Variants in CR1 observed in about 807,000 individuals in gnomAD.
CR1 encodes the protein complement C3b/C4b receptor 1 (Knops blood group).
Under a neutral mutation model 187.3 loss-of-function variants are expected in CR1, and 116 were observed. That is an observed-to-expected ratio of 0.62 (90% confidence interval 0.53 to 0.72). The LOEUF is 0.72. CR1 is among the 30% of genes least tolerant of loss of function. The probability of loss-of-function intolerance (pLI) is 0.00; values close to 1 mark genes in which losing one functional copy is unlikely to be tolerated. For synonymous variants in CR1, 576 were observed against 747.1 expected (o/e 0.77, Z 3.73); for missense variants, 1,731 against 2,110.7 (o/e 0.82, Z 3.52).
intron 35 of CR1, among the ~76,000 whole-genome samples, chr1:207,596,550 G>A (rs924434312): frequency 1.8e-4 from 27 of 151,972 alleles, no homozygotes; most frequent in African/African-American, 6.0e-4. Context: ...GGAGGCGGAG[G>A]TTGCAGTGAG....
intron 28 of CR1, 44 bp downstream of exon 28, chr1:207,575,724 T>A: frequency 6.2e-7 from 1 of 1,611,160 alleles, no homozygotes; most frequent in South Asian, 1.1e-5. Context: ...CATTGAATCC[T>A]AGAGTTGTCC....
intron 46 of CR1, among the ~76,000 whole-genome samples, chr1:207,636,876 T>G (rs112807468): frequency 1.5e-3 from 225 of 152,330 alleles, no homozygotes; most frequent in African/African-American, 5.1e-3. Flanking sequence ...AATTAAAAGT[T>G]GAATAAATGC....
intron 35 of CR1, chr1:207,598,918 G>T (rs1558258052): frequency 6.6e-6 from 1 of 152,208 alleles, no homozygotes; most frequent in Admixed American, 6.5e-5. Flanking sequence ...GAGTTGGCCA[G>T]CATTAACTTG....
chr1:207,524,432 G>A (rs1184619914), intron 5 of CR1, among the ~76,000 whole-genome samples: 1 of 151,984 alleles, frequency 6.6e-6, no homozygotes, highest in African/African-American at 2.4e-5. Context: ...CACTCACGTT[G>A]AACTGCTGTG....
chr1:207,619,207 AC>A, intron 42 of CR1, among the ~76,000 whole-genome samples: 1 of 151,554 alleles, frequency 6.6e-6, no homozygotes, highest in Non-Finnish European at 1.5e-5. Flanking sequence ...ACATGGTGAA[AC>A]CCCGTCTCTA....
intron 35 of CR1, among the ~76,000 whole-genome samples, chr1:207,606,272 C>T (rs1661746967): frequency 1.3e-5 from 2 of 152,192 alleles, no homozygotes; most frequent in Admixed American, 6.5e-5. Context: ...CCACTTACAT[C>T]CTCTGGCCAG....
rs55998388 is a variant in CR1, at chr1:207,620,066, G to A, written c.7252+1G>A. The A allele has an allele frequency of 6.4e-4, 1,034 of 1,606,746 alleles. No individual in the cohort carries two copies. Among genetic ancestry groups the A allele is most frequent in the Non-Finnish European group, 8.5e-4 (1,000 of 1,177,968 alleles). On this transcript the variant is annotated splice_donor_variant, in intron 43 of 46. Coordinates refer to ENST00000367049, the MANE Select transcript of CR1 (RefSeq NM_000651.6). LOFTEE classifies it high-confidence loss of function. The stretch of plus-strand genomic sequence containing the variant: ...CCTCCTCTGGCCAAATGTACCTCTC[G>A]TAAGTGCAAGTGCAAGGAATGTGGG...
chr1:207,524,155 G>C (rs868045171), intron 5 of CR1, 146 bp downstream of exon 5: 39 of 1,540,702 alleles, frequency 2.5e-5, no homozygotes, highest in Middle Eastern at 4.7e-4. Context: ...AAATTCAGAA[G>C]GTGTGTGTAC....
At chr1:207,503,891 A>G (rs1186818455) in intron 1 of CR1, among the ~76,000 whole-genome samples, 1 of 152,242 alleles carries the variant, frequency 6.6e-6, no homozygotes, top group African/African-American at 2.4e-5. Context: ...TTAAGTGAAA[A>G]GGTGAAAGTT....
In CR1 at chr1:207,585,312, G is replaced by A. The variant is rs528222325; in HGVS notation, c.5530+436G>A. Among the ~76,000 whole-genome samples the A allele has an allele frequency of 4.3e-4, 66 of 152,272 alleles. No homozygotes were observed. In the South Asian group the frequency reaches 5.8e-3, roughly 13 times the overall value. ...GAAATGTGGATATTATTTAGCTAAG[G>A]TTTTAAACTAGTGTTCTGCTGCATG... On this transcript the variant is annotated intron_variant, in intron 33 of 46. Transcript: ENST00000367049.
chr1:207,505,624 T>A (rs956598465), intron 1 of CR1, among the ~76,000 whole-genome samples: 3 of 151,926 alleles, frequency 2.0e-5, no homozygotes, highest in African/African-American at 7.3e-5. Flanking sequence ...TGACCTGAGG[T>A]CAGGAGTCGA....
rs751999210 is a variant in CR1 at position 207,620,011 on chromosome 1, A to G, written c.7198A>G (p.Ser2400Gly). 46 of 1,613,760 alleles carry G rather than the reference A, an allele frequency of 2.9e-5. No individual in the cohort carries two copies. Among genetic ancestry groups the G allele is most frequent in the Non-Finnish European group, 3.7e-5 (44 of 1,179,866 alleles). Residue 2400 changes from serine (S) to glycine (G), a missense_variant, in exon 43 of 47, where the codon AGC (serine) becomes GGC (glycine). Coordinates refer to ENST00000367049, the MANE Select transcript of CR1 (RefSeq NM_000651.6). ...GTATACTCTGGAAGGCAGTCCCTGGAGCCAGTGCCAGGCGGATGACAGATG... is the reference window on the plus strand; with the variant it reads ...GTATACTCTGGAAGGCAGTCCCTGGGGCCAGTGCCAGGCGGATGACAGATG... ...DGYTLEGSPW[S>G]QCQADDRWDP...
intron 33 of CR1, 49 bp from the exon 34 acceptor site, chr1:207,587,337 G>A: frequency 1.3e-6 from 2 of 1,512,570 alleles, no homozygotes; most frequent in Middle Eastern, 1.8e-4. Context: ...AGGAGGTAGG[G>A]TGGAAGTCTC....
chr1:207,630,424 AC>A, intron 45 of CR1, 92 bp from the exon 46 acceptor site: 2 of 754,138 alleles, frequency 2.7e-6, no homozygotes, highest in Non-Finnish European at 4.1e-6. Context: ...GGCAAATAAT[AC>A]CTTAAATTTC....
At chr1:207,623,911 C>A (rs1262574098) in intron 45 of CR1, among the ~76,000 whole-genome samples, 2 of 52,474 alleles carry the variant, frequency 3.8e-5, no homozygotes, top group African/African-American at 7.1e-5. Context: ...ACACCATTAA[C>A]TTTTTTTTTT....
chr1:207,524,081 T>G lies in CR1; in HGVS notation c.886+72T>G, dbSNP rs553147182. 2.5e-6 allele frequency: 4 copies of G among 1,611,466 alleles called. No individual in the cohort carries two copies. In the African/African-American group the frequency reaches 5.3e-5, roughly 22 times the overall value. ...GCTGTTGGATCAGGAGATTAGTATT[T>G]GTTCAGGGGGAGGGATGTGTGCTGA... On this transcript the variant is annotated intron_variant, in intron 5 of 46. Coordinates refer to ENST00000367049, the MANE Select transcript of CR1 (RefSeq NM_000651.6).
chr1:207,612,585 A>G (rs183710951), intron 39 of CR1, among the ~76,000 whole-genome samples: 13 of 152,348 alleles, frequency 8.5e-5, no homozygotes, highest in Non-Finnish European at 1.6e-4. Flanking sequence ...CTGGACAGCA[A>G]TGCCCCTGCC....
At chr1:207,580,037 C>T (rs1660885569) in intron 29 of CR1, among the ~76,000 whole-genome samples, 1 of 152,150 alleles carries the variant, frequency 6.6e-6, no homozygotes, top group Admixed American at 6.5e-5. Flanking sequence ...GATGGAGAAT[C>T]CACCAATACT....
chr1:207,568,186 G>C (rs1660568452), intron 25 of CR1, 144 bp downstream of exon 25: 2 of 1,311,134 alleles, frequency 1.5e-6, no homozygotes, highest in East Asian at 5.1e-5. Context: ...ATGGTTCTAA[G>C]GTAGGTCAAC....
Sources: allele counts gnomAD v4.1 joint callset (sites outside exome capture counted in the v4.1 genomes callset), GRCh38; gene constraint gnomAD v4.1.1; transcripts MANE v1.5; gene names NCBI Gene and HGNC (gene_info 2026-07-23, HGNC 2026-07-21).